Variants in LRRC4C observed in about 807,000 individuals in gnomAD.
LRRC4C encodes the protein leucine rich repeat containing 4C, also known as leucine-rich repeat-containing protein 4C.
Under a neutral mutation model 33.6 loss-of-function variants are expected in LRRC4C, and 5 were observed. That is an observed-to-expected ratio of 0.15 (90% CI 0.08 to 0.31). The LOEUF (loss-of-function observed/expected upper bound fraction) is 0.31. LRRC4C is among the 10% of genes least tolerant of loss of function. The probability of loss-of-function intolerance (pLI) is 1.00; values close to 1 mark genes in which losing one functional copy is unlikely to be tolerated. For missense variants in LRRC4C, 560 were observed against 796.7 expected (o/e 0.70, Z 3.58); for synonymous variants, 329 against 302.0 (o/e 1.09, Z -0.93).
chr11:40,172,670 G>C (rs1860145063), intron 5 of LRRC4C, among the ~76,000 whole-genome samples: 1 of 151,758 alleles, frequency 6.6e-6, no homozygotes, highest in Non-Finnish European at 1.5e-5. Context: ...AGTTATTCAA[G>C]TCTTAGGTGC....
Position 41,436,210 on chromosome 11 carries a change from AC to A in LRRC4C, c.-496+23220del, listed in dbSNP as rs550494578. 7.9e-5 allele frequency among the ~76,000 whole-genome samples: 12 copies of A among 152,346 alleles called. No homozygotes were observed. The South Asian group carries it at 2.3e-3, about 29-fold the overall frequency. On this transcript the variant is annotated intron_variant, in intron 1 of 6. Transcript: ENST00000528697. ...CAAAGCAAGACTGTCTCCGAAAAAA[AC>A]ATTTCCCAAATATAGAAGACCCAGG...
chr11:40,372,212 A>C (rs889264597), intron 3 of LRRC4C, among the ~76,000 whole-genome samples: 5 of 152,198 alleles, frequency 3.3e-5, no homozygotes, highest in Non-Finnish European at 5.9e-5. Flanking sequence ...TTCAATGTCC[A>C]TTTCTGACAT....
chr11:40,794,060 G>GA (rs896852407), intron 2 of LRRC4C, among the ~76,000 whole-genome samples: 17 of 151,638 alleles, frequency 1.1e-4, no homozygotes, highest in African/African-American at 3.1e-4. Flanking sequence ...TCTCTGATGT[G>GA]AAAAAAAACT....
chr11:41,362,341 G>A (rs1338971430), intron 1 of LRRC4C, among the ~76,000 whole-genome samples: 4 of 151,552 alleles, frequency 2.6e-5, no homozygotes, highest in Non-Finnish European at 5.9e-5. Context: ...GTTAATAAAA[G>A]GAAAAAGGAA....
chr11:40,263,119 T>C (rs901621220), intron 4 of LRRC4C, among the ~76,000 whole-genome samples: 1 of 152,138 alleles, frequency 6.6e-6, no homozygotes, highest in Admixed American at 6.6e-5. Context: ...AGGATCTTAA[T>C]AAATATTAAT....
chr11:40,733,649 C>T (rs949622174), intron 2 of LRRC4C, among the ~76,000 whole-genome samples: 2 of 152,116 alleles, frequency 1.3e-5, no homozygotes, highest in African/African-American at 4.8e-5. Flanking sequence ...AAGTCCAGTC[C>T]TTTACGCTAG....
intron 3 of LRRC4C, among the ~76,000 whole-genome samples, chr11:40,578,139 CGGT>C (rs762961475): frequency 1.6e-4 from 1 of 6,152 alleles, no homozygotes; most frequent in African/African-American, 8.7e-4. Flanking sequence ...TTTTTTTTTT[CGGT>C]TTTTTTTTTT....
rs1956789956 is a variant in LRRC4C at position 40,913,449 on chromosome 11, T to C, written c.-407+20186A>G. 3.9e-5 allele frequency among the ~76,000 whole-genome samples: 6 copies of C among 152,064 alleles called. No homozygotes were observed. In the South Asian group the frequency reaches 1.2e-3, roughly 32 times the overall value. Reference sequence around the variant, plus strand: ...GAACAATCTACTCCTGAATGACTACTGGGTACATAATGAAATGAAGGCAGA... The same window carrying C: ...GAACAATCTACTCCTGAATGACTACCGGGTACATAATGAAATGAAGGCAGA... On this transcript the variant is annotated intron_variant, in intron 2 of 6. Coordinates refer to ENST00000528697, the MANE Select transcript of LRRC4C (RefSeq NM_001258419.2).
intron 2 of LRRC4C, among the ~76,000 whole-genome samples, chr11:40,713,479 G>T (rs762451141): frequency 6.6e-6 from 1 of 152,098 alleles, no homozygotes; most frequent in Non-Finnish European, 1.5e-5. Flanking sequence ...TTAGAAGCCC[G>T]CTTCTGCCAG....
chr11:40,834,425 C>G (rs563889695), intron 2 of LRRC4C, among the ~76,000 whole-genome samples: 55 of 149,552 alleles, frequency 3.7e-4, no homozygotes, highest in African/African-American at 1.4e-3. Flanking sequence ...GAGCCAAGAT[C>G]GTGCCACTGC....
At chr11:41,071,539 A>G (rs745606611) in intron 1 of LRRC4C, among the ~76,000 whole-genome samples, 48 of 152,220 alleles carry the variant, frequency 3.2e-4, no homozygotes, top group Non-Finnish European at 6.2e-4. Flanking sequence ...AGCATGGTAT[A>G]CTGAATACTT....
intron 1 of LRRC4C, among the ~76,000 whole-genome samples, chr11:41,384,129 G>A (rs561534854): frequency 2.0e-5 from 3 of 151,936 alleles, no homozygotes; most frequent in South Asian, 2.1e-4. Flanking sequence ...CCAGAGAACC[G>A]TAACCTATTT....
chr11:40,552,095 C>T (rs1057327734), intron 3 of LRRC4C, among the ~76,000 whole-genome samples: 3 of 152,206 alleles, frequency 2.0e-5, no homozygotes, highest in Non-Finnish European at 4.4e-5. Context: ...GGGTCTCCAG[C>T]CTGCAGGCCT....
At chr11:41,078,561 G>A (rs750544641) in intron 1 of LRRC4C, among the ~76,000 whole-genome samples, 19 of 152,314 alleles carry the variant, frequency 1.2e-4, no homozygotes, top group Non-Finnish European at 2.4e-4. Flanking sequence ...GCAGGAGAGA[G>A]AGCGAGCAAA....
intron 1 of LRRC4C, among the ~76,000 whole-genome samples, chr11:41,111,954 G>T: frequency 6.6e-6 from 1 of 152,064 alleles, no homozygotes; most frequent in East Asian, 1.9e-4. Context: ...GAAAGGTCTA[G>T]CAGAAGAGGT....
intron 1 of LRRC4C, among the ~76,000 whole-genome samples, chr11:41,438,206 A>G (rs1055399100): frequency 6.6e-6 from 1 of 152,120 alleles, no homozygotes; most frequent in African/African-American, 2.4e-5. Flanking sequence ...CTTGTTGCCT[A>G]GATTTGTTTT....
At chr11:41,254,719 T>G (rs1433926829) in intron 1 of LRRC4C, among the ~76,000 whole-genome samples, 1 of 152,068 alleles carries the variant, frequency 6.6e-6, no homozygotes, top group Non-Finnish European at 1.5e-5. Flanking sequence ...TGAAACTTGC[T>G]AGAGAAAGCA....
rs564330259 is a variant in LRRC4C, at chr11:40,201,628, G to C, written c.-96+39891C>G. ...TAAAGTCTGCAGACCCCATGGAAGCGCAGATGTAAGAATGACCCATAGAAC... is the reference window on the plus strand; with the variant it reads ...TAAAGTCTGCAGACCCCATGGAAGCCCAGATGTAAGAATGACCCATAGAAC... On this transcript the variant is annotated intron_variant, in intron 5 of 6. Transcript: ENST00000528697. 4.2e-4 allele frequency among the ~76,000 whole-genome samples: 64 copies of C among 152,232 alleles called. 1 individual carries two copies. The South Asian group carries it at 0.013, about 32-fold the overall frequency.
chr11:40,635,854 A>T (rs10837451), intron 3 of LRRC4C, among the ~76,000 whole-genome samples: 34,581 of 151,432 alleles, frequency 0.23, 4,378 homozygotes, highest in African/African-American at 0.33. Flanking sequence ...TTAGCCAGGA[A>T]GGTCTCAATC....
Sources: allele counts gnomAD v4.1 joint callset (sites outside exome capture counted in the v4.1 genomes callset), GRCh38; gene constraint gnomAD v4.1.1; transcripts MANE v1.5; gene names NCBI Gene and HGNC (gene_info 2026-07-23, HGNC 2026-07-21).